ZCWPW2: variants seen among roughly 807,000 people sequenced by gnomAD.
ZCWPW2 encodes the protein zinc finger CW-type PWWP domain protein 2.
Under a neutral mutation model 46.6 loss-of-function variants are expected in ZCWPW2, and 45 were observed. The observed-to-expected ratio is 0.96, with a 90% CI of 0.76 to 1.24. The LOEUF (loss-of-function observed/expected upper bound fraction) is 1.24, where lower values mean the gene tolerates loss of function less well. Ranked by LOEUF, ZCWPW2 falls within the 50% of genes most tolerant of loss-of-function variation. The probability of loss-of-function intolerance (pLI) is 0.00; values close to 1 mark genes in which losing one functional copy is unlikely to be tolerated. For synonymous variants in ZCWPW2, 152 were observed against 137.1 expected (o/e 1.11, Z -0.76); for missense variants, 429 against 403.9 (o/e 1.06, Z -0.53).
At chr3:28,497,786 A>C (rs896504184) in intron 6 of ZCWPW2, among the ~76,000 whole-genome samples, 2 of 152,088 alleles carry the variant, frequency 1.3e-5, no homozygotes, top group Non-Finnish European at 2.9e-5. Flanking sequence ...ACTTCTATCT[A>C]CAAGCTTCTG....
intron 3 of ZCWPW2, chr3:28,428,061 T>C (rs927873593): frequency 6.6e-6 from 1 of 152,176 alleles, no homozygotes; most frequent in African/African-American, 2.4e-5. Context: ...TGAGGTCTTC[T>C]TTCTAGTGGG....
intron 1 of ZCWPW2, among the ~76,000 whole-genome samples, chr3:28,353,452 T>C (rs1253742311): frequency 6.6e-6 from 1 of 152,136 alleles, no homozygotes; most frequent in African/African-American, 2.4e-5. Flanking sequence ...AGGCATGATA[T>C]CCAGTTCCCA....
intron 3 of ZCWPW2, among the ~76,000 whole-genome samples, chr3:28,417,465 A>G (rs1696643127): frequency 6.6e-6 from 1 of 152,182 alleles, no homozygotes; most frequent in African/African-American, 2.4e-5. Context: ...ATTCCTTTTG[A>G]AACTATTCCA....
chr3:28,392,485 CA>C (rs1695532453), intron 2 of ZCWPW2, among the ~76,000 whole-genome samples: 1 of 152,100 alleles, frequency 6.6e-6, no homozygotes, highest in Non-Finnish European at 1.5e-5. Flanking sequence ...AAATGTAGAA[CA>C]TTCTATCCAA....
chr3:28,510,330 A>T (rs1457102060), intron 6 of ZCWPW2, among the ~76,000 whole-genome samples: 3 of 152,160 alleles, frequency 2.0e-5, no homozygotes, highest in Non-Finnish European at 2.9e-5. Context: ...GAACTTTGTG[A>T]CTTACTTTGG....
intron 4 of ZCWPW2, among the ~76,000 whole-genome samples, chr3:28,442,299 C>T (rs776645370): frequency 1.2e-4 from 18 of 152,274 alleles, no homozygotes; most frequent in East Asian, 1.9e-4. Flanking sequence ...AGCCCCACAC[C>T]GCTGGACTCC....
chr3:28,433,296 G>A (rs760347526), intron 3 of ZCWPW2, among the ~76,000 whole-genome samples: 1 of 152,034 alleles, frequency 6.6e-6, no homozygotes, highest in Non-Finnish European at 1.5e-5. Flanking sequence ...TAGCCTCCCT[G>A]TGGTTTCCCT....
At chr3:28,459,228 G>A (rs1180880339) in intron 4 of ZCWPW2, among the ~76,000 whole-genome samples, 3 of 152,084 alleles carry the variant, frequency 2.0e-5, no homozygotes, top group Admixed American at 2.0e-4. Context: ...AAATTAGCCA[G>A]GCATGCTGGC....
intron 1 of ZCWPW2, among the ~76,000 whole-genome samples, chr3:28,357,799 A>T (rs532501717): frequency 3.0e-4 from 41 of 138,644 alleles, no homozygotes; most frequent in East Asian, 1.5e-3. Flanking sequence ...GGTATATTTT[A>T]TATATATATA....
At chr3:28,490,633 A>G (rs1422750278) in intron 5 of ZCWPW2, among the ~76,000 whole-genome samples, 1 of 152,098 alleles carries the variant, frequency 6.6e-6, no homozygotes, top group Non-Finnish European at 1.5e-5. Context: ...ACATGTGGTC[A>G]CAAAGAAGGA....
Position 28,521,045 on chromosome 3 carries a change from G to T in ZCWPW2, c.838G>T (p.Ala280Ser), listed in dbSNP as rs780219894. The change falls in exon 9 of 10, where the codon GCA (alanine) becomes TCA (serine). Residue 280 changes from alanine (A) to serine (S), a missense_variant. Ala to Ser is a moderately conservative substitution (Grantham distance 99). Transcript: ENST00000383768. ...LKELEQMLQQ[A>S]LQPTATPDES... ...AGAGCTGGAGCAAATGCTGCAGCAA[G>T]CACTGCAACCCACAGCCACACCTGA... The T allele has an allele frequency of 3.7e-6, 6 of 1,613,024 alleles. No homozygotes were observed. In the African/African-American group the frequency reaches 8.0e-5, roughly 22 times the overall value.
At chr3:28,414,664 G>T (rs1351684664) in intron 3 of ZCWPW2, among the ~76,000 whole-genome samples, 1 of 118,526 alleles carries the variant, frequency 8.4e-6, no homozygotes, top group African/African-American at 3.3e-5. Context: ...GTGTCCATGT[G>T]TTCTCATTGT....
chr3:28,508,969 G>C (rs1309139920), intron 6 of ZCWPW2, among the ~76,000 whole-genome samples: 1 of 151,948 alleles, frequency 6.6e-6, no homozygotes, highest in Non-Finnish European at 1.5e-5. Context: ...GCTAATTTTA[G>C]AACAGTTTTT....
At chr3:28,355,294 A>G (rs111767899) in intron 1 of ZCWPW2, among the ~76,000 whole-genome samples, 1,884 of 152,148 alleles carry the variant, frequency 0.012, 56 homozygotes, top group African/African-American at 0.043. Context: ...ACTTACAAGG[A>G]ATGTGAAGGA....
At chr3:28,425,310 G>T (rs969900965) in intron 3 of ZCWPW2, among the ~76,000 whole-genome samples, 1 of 152,032 alleles carries the variant, frequency 6.6e-6, no homozygotes, top group African/African-American at 2.4e-5. Context: ...CTAAAATACA[G>T]ATTAAGAAAC....
At chr3:28,475,783 G>A (rs1201964745) in intron 4 of ZCWPW2, among the ~76,000 whole-genome samples, 3 of 152,088 alleles carry the variant, frequency 2.0e-5, no homozygotes, top group Non-Finnish European at 4.4e-5. Flanking sequence ...CTCCTTCAGG[G>A]AGATCATGGC....
chr3:28,493,541 G>C (rs1166651874), intron 6 of ZCWPW2, among the ~76,000 whole-genome samples: 1 of 119,934 alleles, frequency 8.3e-6, no homozygotes, highest in East Asian at 3.7e-4. Context: ...TCTTAATCCA[G>C]CCTATCATCG....
At chr3:28,403,608 C>A (rs1696036309) in intron 2 of ZCWPW2, among the ~76,000 whole-genome samples, 1 of 152,024 alleles carries the variant, frequency 6.6e-6, no homozygotes, top group Non-Finnish European at 1.5e-5. Flanking sequence ...GCAAAAAGAA[C>A]AAATCTGGAG....
intron 1 of ZCWPW2, among the ~76,000 whole-genome samples, chr3:28,380,538 T>C (rs1695011544): frequency 6.6e-6 from 1 of 152,208 alleles, no homozygotes; most frequent in African/African-American, 2.4e-5. Context: ...AAACCTGCCA[T>C]TGCTCTTGTC....
Sources: allele counts gnomAD v4.1 joint callset (sites outside exome capture counted in the v4.1 genomes callset), GRCh38; gene constraint gnomAD v4.1.1; transcripts MANE v1.5; gene names NCBI Gene and HGNC (gene_info 2026-07-23, HGNC 2026-07-21).